Variants in VAMP7 observed in about 807,000 individuals in gnomAD.
VAMP7 encodes vesicle associated membrane protein 7.
VAMP7 carries 14 observed loss-of-function variants against 29.6 expected under a neutral mutation model. That is an observed-to-expected ratio of 0.47 (90% CI 0.31 to 0.74). The LOEUF is 0.74. Ranked by LOEUF, VAMP7 falls within the 30% of genes least tolerant of loss-of-function variation. VAMP7 has a pLI of 0.05. For synonymous variants in VAMP7, 95 were observed against 88.1 expected (o/e 1.08, Z -0.44); for missense variants, 223 against 262.4 (o/e 0.85, Z 1.04).
rs1215934856 is a variant in VAMP7 at position 155,898,156 on chromosome X, G to T, written c.249G>T (p.Lys83Asn). The T allele has an allele frequency of 5.6e-6, 9 of 1,613,584 alleles. No individual in the cohort carries two copies. The highest frequency in any genetic ancestry group is 7.6e-6 in the Non-Finnish European group (9 of 1,179,616). The change falls in exon 4 of 8, where the codon AAG becomes AAT. Residue 83 changes from lysine (K) to asparagine (N), a missense_variant. Coordinates refer to ENST00000286448, the MANE Select transcript of VAMP7 (RefSeq NM_005638.6). ...CCTTTAATTTTCTGAATGAGATAAAGAAGAGGTTCCAGACTACTTACGGTT... is the reference window on the plus strand; with the variant it reads ...CCTTTAATTTTCTGAATGAGATAAATAAGAGGTTCCAGACTACTTACGGTT... ...SRAFNFLNEI[K>N]KRFQTTYGSR...
intron 6 of VAMP7, among the ~76,000 whole-genome samples, chrX:155,930,842 A>C (rs2066541489): frequency 6.6e-6 from 1 of 151,802 alleles, no homozygotes; most frequent in Non-Finnish European, 1.5e-5. Flanking sequence ...GTATATCTCC[A>C]AATGCTATCC....
chrX:155,898,450 CTA>C (rs2066016794), intron 4 of VAMP7, among the ~76,000 whole-genome samples: 1 of 151,848 alleles, frequency 6.6e-6, no homozygotes, highest in African/African-American at 2.4e-5. Context: ...TTTATTATCT[CTA>C]TTAATAGTGG....
At chrX:155,936,504 C>T (rs1334680220) in intron 6 of VAMP7, among the ~76,000 whole-genome samples, 5 of 152,154 alleles carry the variant, frequency 3.3e-5, no homozygotes, top group South Asian at 2.1e-4. Flanking sequence ...GAGCCAGGCG[C>T]GGGATATAAT....
intron 6 of VAMP7, among the ~76,000 whole-genome samples, chrX:155,927,315 C>G (rs1255266743): frequency 6.6e-6 from 1 of 150,818 alleles, no homozygotes; most frequent in Non-Finnish European, 1.5e-5. Context: ...ACGTGTATAC[C>G]TGTGTAAGAA....
intron 6 of VAMP7, among the ~76,000 whole-genome samples, chrX:155,932,480 G>A (rs1032328993): frequency 2.6e-5 from 4 of 152,098 alleles, no homozygotes; most frequent in Admixed American, 2.6e-4. Context: ...ATTGTGAATG[G>A]GAGTTCACTC....
chrX:155,914,580 G>A (rs1259075233), intron 5 of VAMP7, among the ~76,000 whole-genome samples: 3 of 152,150 alleles, frequency 2.0e-5, no homozygotes, highest in African/African-American at 7.2e-5. Flanking sequence ...AAGCGGTGTT[G>A]AATTTTATCG....
At chrX:155,927,396 C>T (rs1011211386) in intron 6 of VAMP7, among the ~76,000 whole-genome samples, 1 of 113,280 alleles carries the variant, frequency 8.8e-6, no homozygotes, top group African/African-American at 3.6e-5. Context: ...ACAAAAAGTG[C>T]AGGCCAAGCA....
chrX:155,906,465 G>A (rs1255949359), intron 5 of VAMP7, among the ~76,000 whole-genome samples: 1 of 152,052 alleles, frequency 6.6e-6, no homozygotes, highest in Non-Finnish European at 1.5e-5. Context: ...GACCCCTATT[G>A]CAGTAATCTC....
intron 5 of VAMP7, among the ~76,000 whole-genome samples, chrX:155,911,277 T>C (rs2066233673): frequency 6.6e-6 from 1 of 152,190 alleles, no homozygotes; most frequent in South Asian, 2.1e-4. Flanking sequence ...TGGATCAATG[T>C]CTGGCTTTTC....
intron 6 of VAMP7, among the ~76,000 whole-genome samples, chrX:155,933,780 A>C (rs1453010320): frequency 4.6e-5 from 7 of 151,912 alleles, no homozygotes; most frequent in African/African-American, 1.7e-4. Flanking sequence ...TAGTTCTTTT[A>C]ATTGTGATGT....
rs191618739 is a variant in VAMP7, at chrX:155,931,483, G to A, written c.502-8218G>A. On this transcript the variant is annotated intron_variant, in intron 6 of 7. Transcript: ENST00000286448. Reference sequence around the variant, plus strand: ...CCAGTGATGATGAGCATTTTTTCATGTGTCTGTTGGCTGCATAAATGCCAT... The same window carrying A: ...CCAGTGATGATGAGCATTTTTTCATATGTCTGTTGGCTGCATAAATGCCAT... Among the ~76,000 whole-genome samples the A allele has an allele frequency of 1.1e-3, 171 of 152,238 alleles. 2 individuals carry two copies. Among genetic ancestry groups the A allele is most frequent in the African/African-American group, 4.0e-3 (168 of 41,550 alleles).
At chrX:155,939,838 T>A in intron 7 of VAMP7, 45 bp downstream of exon 7, 1 of 1,430,404 alleles carries the variant, frequency 7.0e-7, no homozygotes, top group Non-Finnish European at 9.9e-7. Context: ...TTTCAATCTC[T>A]AAGAAATTAG....
intron 7 of VAMP7, 101 bp downstream of exon 7, chrX:155,939,894 A>T (rs2066718758): frequency 9.7e-7 from 1 of 1,028,938 alleles, no homozygotes; most frequent in Non-Finnish European, 1.5e-6. Flanking sequence ...AATGAGCTAC[A>T]TATGTCTTTT....
At chrX:155,939,656 A>T (rs188602501) in intron 6 of VAMP7, 45 bp from the exon 7 acceptor site, 914 of 1,353,290 alleles carry the variant, frequency 6.8e-4, no homozygotes, top group Non-Finnish European at 9.0e-4. Flanking sequence ...CAAATCATTC[A>T]TGTAGTCAGT....
intron 1 of VAMP7, among the ~76,000 whole-genome samples, chrX:155,887,085 C>T (rs907184498): frequency 1.6e-4 from 25 of 152,156 alleles, no homozygotes; most frequent in Admixed American, 1.6e-3. Context: ...GATTGTTTTA[C>T]AGTCTTCATT....
chrX:155,941,680 G>A (rs73237005), intron 7 of VAMP7, among the ~76,000 whole-genome samples: 328 of 152,206 alleles, frequency 2.2e-3, no homozygotes, highest in Non-Finnish European at 3.6e-3. Flanking sequence ...TAGAGTTCAA[G>A]TGGGTGTGAG....
intron 5 of VAMP7, among the ~76,000 whole-genome samples, chrX:155,914,734 C>T (rs1015778158): frequency 1.3e-5 from 2 of 152,186 alleles, no homozygotes; most frequent in African/African-American, 2.4e-5. Context: ...GGTGGATAAG[C>T]TTTTTGATGT....
chrX:155,929,460 T>C (rs1418107603), intron 6 of VAMP7, among the ~76,000 whole-genome samples: 3 of 152,116 alleles, frequency 2.0e-5, no homozygotes, highest in African/African-American at 7.2e-5. Context: ...CCCCTGGGCA[T>C]TGTGTGGGGG....
rs370271999 is a variant in VAMP7, at chrX:155,924,597, T to TA, written c.501+4726dup. Among the ~76,000 whole-genome samples the TA allele has an allele frequency of 2.8e-3, 424 of 151,468 alleles. 1 individual carries two copies. Among genetic ancestry groups the TA allele is most frequent in the African/African-American group, 8.5e-3 (351 of 41,332 alleles). On this transcript the variant is annotated intron_variant, in intron 6 of 7. Transcript: ENST00000286448. ...TCACTAAGCATAATAGTTTATTGCT[T>TA]AAAAAAAAATGCTAACAATCACCTG...
Sources: allele counts gnomAD v4.1 joint callset (sites outside exome capture counted in the v4.1 genomes callset), GRCh38; gene constraint gnomAD v4.1.1; transcripts MANE v1.5; gene names NCBI Gene and HGNC (gene_info 2026-07-23, HGNC 2026-07-21).